PLA2G4F: variants seen among roughly 807,000 people sequenced by gnomAD.
The protein encoded by PLA2G4F is phospholipase A2 group IVF.
Under a neutral mutation model 103.1 loss-of-function variants are expected in PLA2G4F, and 105 were observed. The ratio of observed to expected loss-of-function variants is 1.02; its 90% CI spans 0.87 to 1.20. PLA2G4F has a LOEUF of 1.20. Ranked by LOEUF, PLA2G4F falls within the 50% of genes most tolerant of loss-of-function variation. The pLI is 0.00. For synonymous variants in PLA2G4F, 468 were observed against 441.1 expected, an observed-to-expected ratio of 1.06 and a Z score of -0.76; for missense variants, 1,155 against 1,075.9, an observed-to-expected ratio of 1.07 and a Z score of -1.03.
At chr15:42,154,996 GCA>G (rs56721164) in intron 2 of PLA2G4F, among the ~76,000 whole-genome samples, 1,544 of 151,520 alleles carry the variant, frequency 0.01, 15 homozygotes, top group African/African-American at 0.014. Context: ...TCTCACACTG[GCA>G]CACACACACG....
chr15:42,149,169 C>T, intron 11 of PLA2G4F: 4 of 985,114 alleles, frequency 4.1e-6, no homozygotes, highest in Non-Finnish European at 4.8e-6. Flanking sequence ...TGTCCCCCTC[C>T]AAATTCCTGT....
At chr15:42,148,612 C>T (rs2048918545) in intron 11 of PLA2G4F, 2 of 984,598 alleles carry the variant, frequency 2.0e-6, no homozygotes, top group Middle Eastern at 5.2e-4. Flanking sequence ...ACTAAATTGT[C>T]CCCCGTTGAG....
In PLA2G4F at chr15:42,150,622, G is replaced by GCAGCTCCAT; in HGVS notation, c.748_756dup (p.Met250_Leu252dup). ...GGCGCACTCACCTGCACAGCTGCCA[G>GCAGCTCCAT]CAGCTCCATCAGCTCCACGTGTAGC... is the stretch of plus-strand genomic sequence containing the variant. On this transcript the variant is annotated inframe_insertion, in exon 8 of 20. Coordinates refer to ENST00000397272, the MANE Select transcript of PLA2G4F (RefSeq NM_213600.4). 6.2e-7 allele frequency: 1 copy of GCAGCTCCAT among 1,610,148 alleles called. No homozygotes were observed. The highest frequency in any genetic ancestry group is 1.1e-5 in the South Asian group (1 of 90,320).
intron 16 of PLA2G4F, 107 bp from the exon 17 acceptor site, chr15:42,144,751 A>G (rs1176708267): frequency 8.6e-7 from 1 of 1,166,484 alleles, no homozygotes; most frequent in East Asian, 2.7e-5. Context: ...CCCTCCCCAC[A>G]TCCCTCCTCC....
At chr15:42,149,589 GC>G in intron 11 of PLA2G4F, 123 bp downstream of exon 11, 1 of 1,466,262 alleles carries the variant, frequency 6.8e-7, no homozygotes. Flanking sequence ...TGCCGATGGT[GC>G]CCACAGCTCA....
intron 6 of PLA2G4F, 59 bp downstream of exon 6, chr15:42,153,241 C>G: frequency 1.3e-6 from 2 of 1,548,978 alleles, no homozygotes; most frequent in Non-Finnish European, 1.8e-6. Context: ...TGGGCCCTGT[C>G]ACGGGTTCCT....
chr15:42,154,956 T>C (rs2048998683), intron 2 of PLA2G4F, among the ~76,000 whole-genome samples: 1 of 151,280 alleles, frequency 6.6e-6, no homozygotes, highest in Non-Finnish European at 1.5e-5. Flanking sequence ...CACACACTCT[T>C]GCACTCATGC....
chr15:42,143,013 T>C (rs1045321102), intron 18 of PLA2G4F, among the ~76,000 whole-genome samples: 1 of 151,844 alleles, frequency 6.6e-6, no homozygotes, highest in African/African-American at 2.4e-5. Context: ...ACCCCGTCTC[T>C]ACTAAAATTA....
rs1235617715 is a variant in PLA2G4F, at chr15:42,141,620, G to A, written c.*364C>T. On this transcript the variant is annotated 3_prime_UTR_variant, in exon 20 of 20. Transcript: ENST00000397272. ...TGGCTTCTCAGTGCCCTCAGCCCCT[G>A]TTCTGTGTGGGTCTGAGGACTTGGG... The A allele has an allele frequency of 6.3e-6, 3 of 478,694 alleles. No individual in the cohort carries two copies. The highest frequency in any genetic ancestry group is 8.3e-6 in the Non-Finnish European group (2 of 242,414). 29.7% of individuals were successfully genotyped at this position (478,694 alleles called of 1,614,324 possible). A position where few individuals can be genotyped will look rare whatever the true frequency, so the allele number is the denominator to read the frequency against.
At position 42,141,933 on chromosome 15, in the gene PLA2G4F, C is replaced by G; in HGVS notation, c.*51G>C. On this transcript the variant is annotated 3_prime_UTR_variant, in exon 20 of 20. Transcript: ENST00000397272. ...TCGCTCCTCCCTCTACAAGCCCTGA[C>G]CATGAGCAGTGTGTCTCCTCTCTGT... The G allele has an allele frequency of 1.9e-6, 3 of 1,541,650 alleles. No homozygotes were observed. The highest frequency in any genetic ancestry group is 2.7e-6 in the Non-Finnish European group (3 of 1,122,752).
Position 42,145,748 on chromosome 15 carries a change from C to G in PLA2G4F, c.1672+18G>C. ...GCCCCGGCACCTGCCTGTCCCCAGCCCTCCAGCCTCGACTCACCTTGCAGG... is the reference window on the plus strand; with the variant it reads ...GCCCCGGCACCTGCCTGTCCCCAGCGCTCCAGCCTCGACTCACCTTGCAGG... On this transcript the variant is annotated intron_variant, in intron 15 of 19. Transcript: ENST00000397272. 6.2e-7 allele frequency: 1 copy of G among 1,613,922 alleles called. No homozygotes were observed. Among genetic ancestry groups the G allele is most frequent in the Non-Finnish European group, 8.5e-7 (1 of 1,179,940 alleles).
chr15:42,144,671 G>A (rs1181105711), intron 16 of PLA2G4F, 27 bp from the exon 17 acceptor site: 30 of 1,537,486 alleles, frequency 2.0e-5, no homozygotes, highest in Non-Finnish European at 2.6e-5. Context: ...CAGTGAAATA[G>A]AGGGGAAAGT....
Position 42,150,770 on chromosome 15 carries a change from C to A in PLA2G4F, c.609G>T (p.Arg203Ser). The A allele has an allele frequency of 6.2e-7, 1 of 1,607,190 alleles. No individual in the cohort carries two copies. The change falls in exon 8 of 20, where the codon AGG (arginine) becomes AGT (serine). Residue 203 changes from arginine to serine, a missense_variant. Arg to Ser is a moderately radical substitution (Grantham distance 110). Transcript: ENST00000397272. Reference sequence around the variant, plus strand: ...CTCCAGGCACTGCCAGCTGGAGCTGCCTAGAGCCTGAGAGCAGAGGGCCCA... The same window carrying A: ...CTCCAGGCACTGCCAGCTGGAGCTGACTAGAGCCTGAGAGCAGAGGGCCCA... ...GTAPREEYGS[R>S]QLQLAVPGAY...
chr15:42,154,824 C>T (rs902451529), intron 2 of PLA2G4F, among the ~76,000 whole-genome samples: 2 of 152,282 alleles, frequency 1.3e-5, no homozygotes, highest in African/African-American at 4.8e-5. Context: ...CTCACACTGT[C>T]ACCCAGGGCG....
Position 42,144,631 on chromosome 15 carries a change from C to G in PLA2G4F, c.1794G>C (p.Lys598Asn), listed in dbSNP as rs763877386. ...GCCTCGAGGGGTTGTGCAGCTGAGGCTTCTGGCAGTCGTCTAGACAGGGGC... is the reference window on the plus strand; with the variant it reads ...GCCTCGAGGGGTTGTGCAGCTGAGGGTTCTGGCAGTCGTCTAGACAGGGGC... ...GSVNITDDCQ[K>N]PQLHNPSRLR... is the part of the protein sequence containing the mutation. The change falls in exon 17 of 20, where the codon AAG becomes AAC. Residue 598 changes from lysine to asparagine, a missense_variant. This residue lies in a region of PLA2G4F where 782 missense variants were observed against 692.9 expected (regional missense o/e 1.13). Coordinates refer to ENST00000397272, the MANE Select transcript of PLA2G4F (RefSeq NM_213600.4). 5.9e-5 allele frequency: 95 copies of G among 1,597,728 alleles called. No individual in the cohort carries two copies. Among genetic ancestry groups the G allele is most frequent in the Non-Finnish European group, 7.9e-5 (93 of 1,171,380 alleles).
chr15:42,149,559 C>A, intron 11 of PLA2G4F, 154 bp downstream of exon 11: 1 of 985,414 alleles, frequency 1.0e-6, no homozygotes, highest in Non-Finnish European at 1.2e-6. Flanking sequence ...TGGCCCTGGT[C>A]CCATATGGGG....
rs770973620 is a variant in PLA2G4F, at chr15:42,142,197, C to T, written c.2337G>A (p.Glu779=). The change falls in exon 20 of 20, where the codon GAG becomes GAA. Residue 779 remains glutamate, a synonymous_variant. Transcript: ENST00000397272. ...TFRTHLAPGV[E]RQTAEEKAFG... is the part of the protein sequence containing the mutation. Reference sequence around the variant, plus strand: ...AGGCCTTCTCCTCAGCTGTTTGTCGCTCCACACCTGTGGGTGGGGGAAGCA... The same window carrying T: ...AGGCCTTCTCCTCAGCTGTTTGTCGTTCCACACCTGTGGGTGGGGGAAGCA... The T allele has an allele frequency of 8.1e-6, 13 of 1,610,980 alleles. No homozygotes were observed. The highest frequency in any genetic ancestry group is 1.7e-5 in the Admixed American group (1 of 59,874).
At chr15:42,150,291 C>T in intron 9 of PLA2G4F, 82 bp downstream of exon 9, 1 of 1,534,384 alleles carries the variant, frequency 6.5e-7, no homozygotes, top group Non-Finnish European at 8.9e-7. Flanking sequence ...TCCAGCCACC[C>T]TCTTGGGTCC....
Position 42,149,711 on chromosome 15 carries a change from ACCTG to A in PLA2G4F, c.1057_1059+1del, listed in dbSNP as rs1315140471. 6.2e-7 allele frequency: 1 copy of A among 1,613,988 alleles called. No individual in the cohort carries two copies. Among genetic ancestry groups the A allele is most frequent in the Admixed American group, 1.7e-5 (1 of 60,010 alleles). ...GGGTCCAGCTCCTCCTCCATTACGT[ACCTG>A]GCCACTGTCCAGAGCCTCACTCAAT... On this transcript the variant is annotated splice_donor_variant and coding_sequence_variant, in exon 11 of 20. Transcript: ENST00000397272. LOFTEE classifies it high-confidence loss of function.
Sources: allele counts gnomAD v4.1 joint callset (sites outside exome capture counted in the v4.1 genomes callset), GRCh38; gene constraint gnomAD v4.1.1; regional missense constraint gnomAD v4.1.1; transcripts MANE v1.5; gene names NCBI Gene and HGNC (gene_info 2026-07-23, HGNC 2026-07-21).